Variants in PLCB1 observed in about 807,000 individuals in gnomAD.
The protein encoded by PLCB1 is 1-phosphatidylinositol 4,5-bisphosphate phosphodiesterase beta-1.
In PLCB1, 46 loss-of-function variants were observed where a neutral mutation model predicts 161.8. The ratio of observed to expected loss-of-function variants is 0.28; its 90% CI spans 0.22 to 0.36. The LOEUF (loss-of-function observed/expected upper bound fraction) is 0.36. Among genes scored for constraint, PLCB1 ranks in the 10% least tolerant of loss-of-function variants. The pLI, the probability that PLCB1 is intolerant of heterozygous loss-of-function variation, is 1.00. For missense variants in PLCB1, 1,016 were observed against 1,472.5 expected (o/e 0.69, Z 5.07); for synonymous variants, 517 against 503.7 (o/e 1.03, Z -0.35).
At chr20:8,707,686 AAATGAAGCTGT>A (rs1409676317) in intron 11 of PLCB1, among the ~76,000 whole-genome samples, 1 of 152,150 alleles carries the variant, frequency 6.6e-6, no homozygotes, top group East Asian at 1.9e-4. Context: ...ATTAGGGAAA[AAATGAAGCTGT>A]TCTCTGTAGA....
chr20:8,433,940 A>C (rs1980180650), intron 3 of PLCB1, among the ~76,000 whole-genome samples: 2 of 148,966 alleles, frequency 1.3e-5, no homozygotes, highest in South Asian at 4.3e-4. Flanking sequence ...TATTAAAAAA[A>C]CATGAATTAG....
In PLCB1 at chr20:8,286,538, T is replaced by G. The variant is rs73609735; in HGVS notation, c.178-84844T>G. On this transcript the variant is annotated intron_variant, in intron 2 of 31. Transcript: ENST00000338037. ...GTATTTGAACCAGAAGATAATGGACTGTTGGCCAGTAGAGCAGATCTGGGC... is the reference window on the plus strand; with the variant it reads ...GTATTTGAACCAGAAGATAATGGACGGTTGGCCAGTAGAGCAGATCTGGGC... Among the ~76,000 whole-genome samples the G allele has an allele frequency of 9.2e-3, 1,396 of 152,282 alleles. 25 individuals are homozygous for G. The highest frequency in any genetic ancestry group is 0.032 in the African/African-American group (1,336 of 41,544).
chr20:8,654,981 C>T (rs1459032139), intron 7 of PLCB1, among the ~76,000 whole-genome samples: 1 of 151,974 alleles, frequency 6.6e-6, no homozygotes, highest in African/African-American at 2.4e-5. Flanking sequence ...ACCCCAAAGA[C>T]TTTGGGGTAT....
chr20:8,275,222 A>T (rs2250711), intron 2 of PLCB1, among the ~76,000 whole-genome samples: 1 of 151,410 alleles, frequency 6.6e-6, no homozygotes, highest in Admixed American at 6.6e-5. Flanking sequence ...TTAAATGTCC[A>T]GTACCAGGTT....
chr20:8,158,492 C>T lies in PLCB1; in HGVS notation c.177+8121C>T, dbSNP rs113933204. On this transcript the variant is annotated intron_variant, in intron 2 of 31. Coordinates refer to ENST00000338037, the MANE Select transcript of PLCB1 (RefSeq NM_015192.4). ...GGGTAGGGACACAGCCAAACCATAT[C>T]ATTCTGCCCCTGGAGCTTCCCAAAT... 7.0e-3 allele frequency among the ~76,000 whole-genome samples: 1,065 copies of T among 152,262 alleles called. 14 individuals carry two copies. The highest frequency in any genetic ancestry group is 0.024 in the African/African-American group (985 of 41,546).
chr20:8,198,614 T>G (rs1260823838), intron 2 of PLCB1, among the ~76,000 whole-genome samples: 3 of 152,078 alleles, frequency 2.0e-5, no homozygotes, highest in Non-Finnish European at 1.5e-5. Flanking sequence ...ACTCCAGCCA[T>G]CAAGGGAAAT....
chr20:8,250,516 T>C (rs1407720216), intron 2 of PLCB1, among the ~76,000 whole-genome samples: 3 of 151,898 alleles, frequency 2.0e-5, no homozygotes, highest in African/African-American at 4.8e-5. Context: ...TCTTTTGCCA[T>C]CTTTGAGTGG....
intron 2 of PLCB1, among the ~76,000 whole-genome samples, chr20:8,367,917 T>C (rs554455552): frequency 6.6e-6 from 1 of 152,270 alleles, no homozygotes; most frequent in East Asian, 1.9e-4. Flanking sequence ...GGAGACACTA[T>C]TTGAATCATC....
chr20:8,870,982 T>C (rs530797030), intron 31 of PLCB1, among the ~76,000 whole-genome samples: 8 of 152,294 alleles, frequency 5.3e-5, no homozygotes, highest in Non-Finnish European at 1.0e-4. Flanking sequence ...TTGGAGCTTG[T>C]TAGAAATGCA....
chr20:8,555,328 G>A (rs2123005306), intron 3 of PLCB1, among the ~76,000 whole-genome samples: 1 of 152,098 alleles, frequency 6.6e-6, no homozygotes, highest in African/African-American at 2.4e-5. Flanking sequence ...GAGCTTTGAA[G>A]TGAAAGAGGT....
intron 31 of PLCB1, among the ~76,000 whole-genome samples, chr20:8,794,553 TTTCTTCCTG>T (rs1407602024): frequency 1.3e-5 from 2 of 152,218 alleles, no homozygotes; most frequent in African/African-American, 4.8e-5. Context: ...TGACATCATA[TTTCTTCCTG>T]TTCTTCCATT....
intron 31 of PLCB1, among the ~76,000 whole-genome samples, chr20:8,854,157 G>A (rs1031185408): frequency 6.6e-6 from 1 of 152,106 alleles, no homozygotes; most frequent in African/African-American, 2.4e-5. Context: ...TCTAACACTC[G>A]TTCCATCTTT....
chr20:8,452,774 G>C (rs1377182947), intron 3 of PLCB1, among the ~76,000 whole-genome samples: 3 of 152,232 alleles, frequency 2.0e-5, no homozygotes, highest in Non-Finnish European at 2.9e-5. Flanking sequence ...GATTTAACCA[G>C]ATGAATACAT....
intron 31 of PLCB1, among the ~76,000 whole-genome samples, chr20:8,854,466 T>A (rs1438257033): frequency 6.6e-6 from 1 of 152,210 alleles, no homozygotes; most frequent in Non-Finnish European, 1.5e-5. Context: ...CCAACACCTC[T>A]CCTTTTTCTC....
chr20:8,525,064 T>G (rs907512357), intron 3 of PLCB1, among the ~76,000 whole-genome samples: 3 of 152,094 alleles, frequency 2.0e-5, no homozygotes, highest in African/African-American at 7.2e-5. Context: ...ATTTTTAAAA[T>G]CATGATTAAT....
intron 4 of PLCB1, among the ~76,000 whole-genome samples, chr20:8,643,435 T>C (rs1444601489): frequency 6.6e-6 from 1 of 152,178 alleles, no homozygotes; most frequent in Non-Finnish European, 1.5e-5. Context: ...TCTAGTTCTT[T>C]TCCCAGTTTT....
At chr20:8,737,531 A>G (rs997276901) in intron 20 of PLCB1, among the ~76,000 whole-genome samples, 7 of 152,356 alleles carry the variant, frequency 4.6e-5, no homozygotes, top group African/African-American at 7.2e-5. Flanking sequence ...GGAATAATAT[A>G]GTGGCTGAGA....
intron 3 of PLCB1, among the ~76,000 whole-genome samples, chr20:8,480,621 C>T (rs1379171417): frequency 6.6e-6 from 1 of 152,124 alleles, no homozygotes; most frequent in Non-Finnish European, 1.5e-5. Context: ...CTGTCAAGTC[C>T]TCCAGGTACT....
intron 9 of PLCB1, among the ~76,000 whole-genome samples, chr20:8,676,798 G>A (rs1377526673): frequency 6.6e-6 from 1 of 152,080 alleles, no homozygotes; most frequent in Admixed American, 6.6e-5. Flanking sequence ...GACATATGAG[G>A]AAAACTTCCT....
Sources: allele counts gnomAD v4.1 joint callset (sites outside exome capture counted in the v4.1 genomes callset), GRCh38; gene constraint gnomAD v4.1.1; transcripts MANE v1.5; gene names NCBI Gene and HGNC (gene_info 2026-07-23, HGNC 2026-07-21).